MBNL1: variants seen among roughly 807,000 people sequenced by gnomAD.
MBNL1 encodes muscleblind like splicing regulator 1, also known as muscleblind-like protein 1.
Under a neutral mutation model 42.2 loss-of-function variants are expected in MBNL1, and 8 were observed. That is an observed-to-expected ratio of 0.19 (90% CI 0.11 to 0.34). The LOEUF (loss-of-function observed/expected upper bound fraction) is 0.34. Among genes scored for constraint, MBNL1 ranks in the 10% least tolerant of loss-of-function variants. The pLI is 1.00. For synonymous variants in MBNL1, 169 were observed against 173.9 expected (o/e 0.97, Z 0.22); for missense variants, 309 against 495.3 (o/e 0.62, Z 3.57).
rs1415039242 is a variant in MBNL1 at position 152,409,698 on chromosome 3, A to G, written c.175-5243A>G. On this transcript the variant is annotated intron_variant, in intron 2 of 9. Transcript: ENST00000324210. ...TTGAAAAGACTTATGAATATAAGCT[A>G]GTAGCCCTGTACTTTTCCCATTGCT... is the stretch of plus-strand genomic sequence containing the variant. Among the ~76,000 whole-genome samples, 4 of 152,204 alleles carry G rather than the reference A, an allele frequency of 2.6e-5. No homozygotes were observed. The South Asian group carries it at 6.2e-4, about 24-fold the overall frequency.
chr3:152,269,514 C>T (rs1427174056), intron 1 of MBNL1: 2 of 455,142 alleles, frequency 4.4e-6, no homozygotes, highest in African/African-American at 2.0e-5. Flanking sequence ...GCATCCCTGG[C>T]CCCGGGGCTG....
At chr3:152,274,374 C>T (rs762203720) in intron 1 of MBNL1, among the ~76,000 whole-genome samples, 1 of 151,950 alleles carries the variant, frequency 6.6e-6, no homozygotes, top group South Asian at 2.1e-4. Flanking sequence ...GATAGATATA[C>T]GTTGTCCTCA....
intron 8 of MBNL1, chr3:152,459,062 A>G (rs1283812275): frequency 5.0e-6 from 2 of 397,270 alleles, no homozygotes; most frequent in Admixed American, 4.6e-5. Context: ...TAACATTTAT[A>G]GAATAGTATT....
intron 4 of MBNL1, among the ~76,000 whole-genome samples, chr3:152,433,728 C>T (rs373419169): frequency 1.5e-5 from 2 of 136,178 alleles, no homozygotes; most frequent in African/African-American, 2.9e-5. Context: ...CCAGCCTGGG[C>T]GACAGAGCGA....
At chr3:152,422,298 A>T (rs982841651) in intron 3 of MBNL1, among the ~76,000 whole-genome samples, 48 of 151,306 alleles carry the variant, frequency 3.2e-4, no homozygotes, top group African/African-American at 1.1e-3. Flanking sequence ...AGGAGTTGCA[A>T]TCCTAGTCTC....
intron 2 of MBNL1, among the ~76,000 whole-genome samples, chr3:152,344,838 T>C (rs1199308147): frequency 6.6e-6 from 1 of 152,162 alleles, no homozygotes; most frequent in African/African-American, 2.4e-5. Flanking sequence ...TCTTTTGCTG[T>C]TCTTTTCTTC....
At chr3:152,424,496 G>C (rs1480384151) in intron 3 of MBNL1, among the ~76,000 whole-genome samples, 1 of 151,542 alleles carries the variant, frequency 6.6e-6, no homozygotes. Context: ...TGGCCATACT[G>C]TCCAAAGTAA....
At chr3:152,346,649 GC>G (rs1427066156) in intron 2 of MBNL1, among the ~76,000 whole-genome samples, 5 of 152,092 alleles carry the variant, frequency 3.3e-5, no homozygotes, top group Admixed American at 3.3e-4. Flanking sequence ...TTTGAAGTTT[GC>G]CTGGGCCATG....
intron 6 of MBNL1, 141 bp downstream of exon 6, chr3:152,447,914 G>T: frequency 1.7e-6 from 1 of 601,540 alleles, no homozygotes. Context: ...AAACTTATCT[G>T]AGGTATCTCA....
At chr3:152,267,755 A>G (rs2037632540), upstream of MBNL1, 1 of 152,218 alleles carries the variant, frequency 6.6e-6, no homozygotes, top group South Asian at 2.1e-4. Context: ...AAAGTCGGCT[A>G]TTAGTGCCTC....
At chr3:152,268,842 G>A (rs1184846652), upstream of MBNL1, 1 of 453,608 alleles carries the variant, frequency 2.2e-6, no homozygotes, top group East Asian at 7.0e-5. Context: ...TGGGCTTCCT[G>A]GTGGGGCTGG....
At chr3:152,281,746 T>A (rs1189256572) in intron 1 of MBNL1, among the ~76,000 whole-genome samples, 1 of 152,202 alleles carries the variant, frequency 6.6e-6, no homozygotes, top group East Asian at 1.9e-4. Flanking sequence ...GAGTTTCAAA[T>A]GCTCTTGTAA....
chr3:152,326,385 A>G (rs1014500805), intron 2 of MBNL1, among the ~76,000 whole-genome samples: 1 of 152,168 alleles, frequency 6.6e-6, no homozygotes. Context: ...TAATTTTAGT[A>G]ATCCCTGCTT....
Position 152,355,599 on chromosome 3 carries a change from T to C in MBNL1, c.174+55232T>C, listed in dbSNP as rs374990347. Among the ~76,000 whole-genome samples the C allele has an allele frequency of 9.7e-4, 147 of 152,330 alleles. 1 individual carries two copies. Among genetic ancestry groups the C allele is most frequent in the African/African-American group, 3.4e-3 (142 of 41,578 alleles). ...CATGGAATTAACCATTTTTTCGTAT[T>C]TTTCAATTAGAAAAATTTTGTATTT... On this transcript the variant is annotated intron_variant, in intron 2 of 9. Coordinates refer to ENST00000324210, the MANE Select transcript of MBNL1 (RefSeq NM_021038.5).
chr3:152,315,426 T>C (rs1456394122), intron 2 of MBNL1, among the ~76,000 whole-genome samples: 1 of 152,212 alleles, frequency 6.6e-6, no homozygotes, highest in Admixed American at 6.5e-5. Context: ...AGATGTGTTG[T>C]GTATGTTGGT....
intron 2 of MBNL1, chr3:152,340,736 A>G (rs2092958719): frequency 3.1e-6 from 5 of 1,613,964 alleles, no homozygotes; most frequent in African/African-American, 2.7e-5. Flanking sequence ...GGATTCCGTG[A>G]TGGCTGAGAA....
intron 2 of MBNL1, among the ~76,000 whole-genome samples, chr3:152,331,014 G>GT (rs1349298762): frequency 6.6e-6 from 1 of 151,950 alleles, no homozygotes; most frequent in Non-Finnish European, 1.5e-5. Context: ...ATTTGCTGAG[G>GT]TAACTTTTGC....
At chr3:152,441,169 C>CCT (rs960128505) in intron 4 of MBNL1, among the ~76,000 whole-genome samples, 1 of 152,068 alleles carries the variant, frequency 6.6e-6, no homozygotes, top group African/African-American at 2.4e-5. Flanking sequence ...TGCAAATGAC[C>CCT]CTCCACTTTT....
At chr3:152,317,200 G>T (rs2072410630) in intron 2 of MBNL1, among the ~76,000 whole-genome samples, 1 of 152,098 alleles carries the variant, frequency 6.6e-6, no homozygotes, top group Non-Finnish European at 1.5e-5. Context: ...AAATCAGCCA[G>T]TTGATAAAAT....
Sources: allele counts gnomAD v4.1 joint callset (sites outside exome capture counted in the v4.1 genomes callset), GRCh38; gene constraint gnomAD v4.1.1; transcripts MANE v1.5; gene names NCBI Gene and HGNC (gene_info 2026-07-23, HGNC 2026-07-21).